STK32C: variants seen among roughly 807,000 people sequenced by gnomAD.
STK32C encodes the protein serine/threonine-protein kinase 32C.
In STK32C, 31 loss-of-function variants were observed where a neutral mutation model predicts 56.5. The ratio of observed to expected loss-of-function variants is 0.55; its 90% CI spans 0.41 to 0.74. The LOEUF is 0.74. Ranked by LOEUF, STK32C falls within the 30% of genes least tolerant of loss-of-function variation. The pLI, the probability that STK32C is intolerant of heterozygous loss-of-function variation, is 0.00. For missense variants in STK32C, 544 were observed against 676.9 expected, an observed-to-expected ratio of 0.80 and a Z score of 2.18; for synonymous variants, 309 against 289.4, an observed-to-expected ratio of 1.07 and a Z score of -0.69.
chr10:132,221,176 AGTGTGAG>A (rs1331460609), intron 10 of STK32C, among the ~76,000 whole-genome samples: 1 of 151,864 alleles, frequency 6.6e-6, no homozygotes, highest in Non-Finnish European at 1.5e-5. Context: ...CACCTGGGCG[AGTGTGAG>A]GGCTTCACGT....
At chr10:132,273,651 A>C (rs1166884531) in intron 1 of STK32C, among the ~76,000 whole-genome samples, 1 of 152,200 alleles carries the variant, frequency 6.6e-6, no homozygotes, top group African/African-American at 2.4e-5. Context: ...GAAGGAGTTA[A>C]CAAATGAGTG....
intron 1 of STK32C, among the ~76,000 whole-genome samples, chr10:132,328,384 A>G (rs2066547054): frequency 6.6e-6 from 1 of 152,172 alleles, no homozygotes; most frequent in Non-Finnish European, 1.5e-5. Context: ...CAGGGTTTGC[A>G]AAATATCTCA....
rs555464756 is a variant in STK32C at position 132,207,755 on chromosome 10, G to A, written c.*255C>T. On this transcript the variant is annotated 3_prime_UTR_variant, in exon 12 of 12. Transcript: ENST00000298630. ...AGCTCCCCGTGAGCGGTAAGAGGGC[G>A]CCCAGCAGCGCTTCCTCCATCTAGG... The A allele has an allele frequency of 6.9e-5, 26 of 379,206 alleles. No homozygotes were observed. The highest frequency in any genetic ancestry group is 6.4e-4 in the East Asian group (16 of 24,958). The allele number at this position is 379,206 out of a possible 1,614,324, so 23.5% of individuals were successfully genotyped here.
chr10:132,274,432 A>AT (rs1406860294), intron 1 of STK32C, among the ~76,000 whole-genome samples: 1 of 152,188 alleles, frequency 6.6e-6, no homozygotes, highest in Non-Finnish European at 1.5e-5. Flanking sequence ...TCACAGAGAA[A>AT]TTTTCGTATG....
In STK32C at chr10:132,248,938, G is replaced by A. The variant is rs190434778; in HGVS notation, c.263-2983C>T. On this transcript the variant is annotated intron_variant, in intron 1 of 11. Coordinates refer to ENST00000298630, the MANE Select transcript of STK32C (RefSeq NM_173575.4). ...CAAGTTCCCAAGGTTAGTCCCTCCC[G>A]GAGAGGAAAAGGATGGGAAACAAAA... is the stretch of plus-strand genomic sequence containing the variant. The A allele has an allele frequency of 7.0e-4, 318 of 456,570 alleles. 1 individual carries two copies. The highest frequency in any genetic ancestry group is 1.7e-3 in the South Asian group (108 of 64,568). The allele number at this position is 456,570 out of a possible 1,614,324, so 28.3% of individuals were successfully genotyped here.
intron 1 of STK32C, among the ~76,000 whole-genome samples, chr10:132,285,192 A>G (rs12772069): frequency 2.2e-5 from 3 of 135,868 alleles, no homozygotes; most frequent in South Asian, 2.6e-4. Context: ...ACATTCCCAC[A>G]CCTGCCCAAA....
intron 1 of STK32C, among the ~76,000 whole-genome samples, chr10:132,300,102 G>A (rs1006838235): frequency 6.6e-6 from 1 of 152,244 alleles, no homozygotes; most frequent in African/African-American, 2.4e-5. Flanking sequence ...ACACAGAGGC[G>A]CCTCTCTCCT....
intron 1 of STK32C, among the ~76,000 whole-genome samples, chr10:132,280,562 A>G (rs1214323243): frequency 8.2e-6 from 1 of 122,280 alleles, no homozygotes; most frequent in Non-Finnish European, 1.7e-5. Context: ...ACGCCCCTGC[A>G]CCCCGTGACC....
At position 132,288,107 on chromosome 10, in the gene STK32C, T is replaced by C. The variant is rs184782794; in HGVS notation, c.262+19465A>G. 6.5e-3 allele frequency among the ~76,000 whole-genome samples: 988 copies of C among 151,358 alleles called. 8 individuals are homozygous for C. The highest frequency in any genetic ancestry group is 0.011 in the Non-Finnish European group (736 of 67,842). ...TCAAGGTAATACAATGAGGAAAGGG[T>C]AGTCATTTCAGCAAATAGTGCTGGA... On this transcript the variant is annotated intron_variant, in intron 1 of 11. Transcript: ENST00000298630.
chr10:132,237,363 C>T (rs1296426198), intron 2 of STK32C, among the ~76,000 whole-genome samples: 5 of 152,322 alleles, frequency 3.3e-5, no homozygotes, highest in Admixed American at 1.3e-4. Context: ...ACACGCCTGT[C>T]GAGGGAAGAA....
chr10:132,227,531 C>T (rs1401249048), intron 3 of STK32C, among the ~76,000 whole-genome samples: 1 of 151,316 alleles, frequency 6.6e-6, no homozygotes, highest in African/African-American at 2.4e-5. Flanking sequence ...ATGGTGGTGA[C>T]AATAGTGATT....
rs751819676 is a variant in STK32C, at chr10:132,330,486, C to T, written c.301+950G>A. On this transcript the variant is annotated intron_variant, in intron 1 of 1. Coordinates refer to the STK32C transcript ENST00000368619. ...AGGTACTGGTTGTGCTTTCAGCTTC[C>T]TGATTGGTAGATAGTTGGGTATGTA... 12 of 717,048 alleles carry T rather than the reference C, an allele frequency of 1.7e-5. 1 individual carries two copies. In the South Asian group the frequency reaches 1.8e-4, roughly 11 times the overall value. 44.4% of individuals were successfully genotyped at this position (717,048 alleles called of 1,614,324 possible).
At chr10:132,312,572 T>G (rs574773733), upstream of STK32C, among the ~76,000 whole-genome samples, 11 of 151,890 alleles carry the variant, frequency 7.2e-5, no homozygotes, top group South Asian at 2.1e-3. Flanking sequence ...ATAAAAAGAG[T>G]CATCGGTCCC....
intron 1 of STK32C, 35 bp from the exon 2 acceptor site, chr10:132,245,990 G>A (rs776499954): frequency 2.5e-6 from 4 of 1,606,918 alleles, no homozygotes; most frequent in Non-Finnish European, 2.6e-6. Flanking sequence ...CTGGTGAGGT[G>A]GCAGCAAGGC....
At chr10:132,320,752 T>C (rs754938784), downstream of STK32C, among the ~76,000 whole-genome samples, 7 of 151,816 alleles carry the variant, frequency 4.6e-5, no homozygotes, top group Non-Finnish European at 1.0e-4. Context: ...TTGTGTGAGG[T>C]CAAGGGCAGA....
At chr10:132,311,023 G>A (rs1203624325), upstream of STK32C, among the ~76,000 whole-genome samples, 3 of 152,154 alleles carry the variant, frequency 2.0e-5, no homozygotes, top group Non-Finnish European at 2.9e-5. This position sits in a 1 kb window ranked among gnomAD's most constrained non-coding sequence, Gnocchi z 4.4. Context: ...GCTGGGGGTG[G>A]TTTGGGGGAC....
chr10:132,239,851 G>T (rs2063438644), intron 2 of STK32C, among the ~76,000 whole-genome samples: 1 of 152,238 alleles, frequency 6.6e-6, no homozygotes, highest in Non-Finnish European at 1.5e-5. Context: ...TCCAGGCCTG[G>T]ACATCTCAGG....
intron 1 of STK32C, among the ~76,000 whole-genome samples, chr10:132,301,427 T>C (rs2065907611): frequency 6.6e-6 from 1 of 152,140 alleles, no homozygotes; most frequent in African/African-American, 2.4e-5. Flanking sequence ...CTGCAGGGCC[T>C]GGCCTGGAAC....
chr10:132,226,546 G>C (rs1423949527), intron 4 of STK32C, among the ~76,000 whole-genome samples: 1 of 152,184 alleles, frequency 6.6e-6, no homozygotes, highest in Admixed American at 6.5e-5. Flanking sequence ...AGGGCTAACA[G>C]CCCACTGTGC....
Sources: allele counts gnomAD v4.1 joint callset (sites outside exome capture counted in the v4.1 genomes callset), GRCh38; gene constraint gnomAD v4.1.1; non-coding constraint Gnocchi (gnomAD v3.1); transcripts MANE v1.5; gene names NCBI Gene and HGNC (gene_info 2026-07-23, HGNC 2026-07-21).